Variants in CYFIP2 observed in about 807,000 individuals in gnomAD.
CYFIP2 encodes the protein cytoplasmic FMR1-interacting protein 2.
Under a neutral mutation model 158.7 loss-of-function variants are expected in CYFIP2, and 29 were observed. That is an observed-to-expected ratio of 0.18 (90% CI 0.14 to 0.25). CYFIP2 has a LOEUF of 0.25. Among genes scored for constraint, CYFIP2 ranks in the 10% least tolerant of loss-of-function variants. CYFIP2 has a pLI of 1.00. For missense variants in CYFIP2, 852 were observed against 1,639.5 expected, an observed-to-expected ratio of 0.52 and a Z score of 8.29; for synonymous variants, 585 against 617.6, an observed-to-expected ratio of 0.95 and a Z score of 0.78.
chr5:157,368,672 A>G (rs1764665030), intron 26 of CYFIP2, among the ~76,000 whole-genome samples: 1 of 149,652 alleles, frequency 6.7e-6, no homozygotes, highest in South Asian at 2.1e-4. Context: ...CTGAAAAACA[A>G]CCTGCTAGTG....
intron 23 of CYFIP2, among the ~76,000 whole-genome samples, chr5:157,357,690 G>T (rs189833415): frequency 8.2e-4 from 125 of 152,200 alleles, no homozygotes; most frequent in African/African-American, 2.9e-3. Context: ...AATTAGCTGT[G>T]CATAGTGGAG....
intron 5 of CYFIP2, among the ~76,000 whole-genome samples, chr5:157,297,597 G>A (rs1758360864): frequency 6.6e-6 from 1 of 152,212 alleles, no homozygotes; most frequent in East Asian, 1.9e-4. Flanking sequence ...GCAGGGCCAA[G>A]AGAGAAGAAC....
At chr5:157,329,414 C>T (rs1020892123) in intron 19 of CYFIP2, among the ~76,000 whole-genome samples, 1 of 152,174 alleles carries the variant, frequency 6.6e-6, no homozygotes, top group African/African-American at 2.4e-5. Context: ...TTTATCTACA[C>T]CCTTCCCTGT....
intron 23 of CYFIP2, 145 bp downstream of exon 23, chr5:157,341,302 G>A: frequency 1.4e-6 from 1 of 727,696 alleles, no homozygotes. Flanking sequence ...TTTAATCCCA[G>A]CACTTCAGGA....
rs1761174625 is a variant in CYFIP2 at position 157,328,190 on chromosome 5, A to T, written c.2156+141A>T. The T allele has an allele frequency of 1.2e-5, 9 of 763,972 alleles. No individual in the cohort carries two copies. The South Asian group carries it at 1.5e-4, about 12-fold the overall frequency. 47.3% of individuals were successfully genotyped at this position (763,972 alleles called of 1,614,324 possible). On this transcript the variant is annotated intron_variant, in intron 19 of 30. Coordinates refer to ENST00000620254, the MANE Select transcript of CYFIP2 (RefSeq NM_001037333.3). ...CCACGGACCCGGACTGGGTGCTGAGATAGAGTGGAAAGGAAACTAGGCAGA... is the reference window on the plus strand; with the variant it reads ...CCACGGACCCGGACTGGGTGCTGAGTTAGAGTGGAAAGGAAACTAGGCAGA...
At chr5:157,319,590 C>T (rs750185979) in intron 13 of CYFIP2, among the ~76,000 whole-genome samples, 172 bp from the exon 14 acceptor site, 7 of 152,240 alleles carry the variant, frequency 4.6e-5, no homozygotes, top group South Asian at 2.1e-4. Flanking sequence ...TGCTGATATA[C>T]GTACATTCTG....
In CYFIP2 at chr5:157,307,636, G is replaced by GGTGTGTGTGTGTGT. The variant is rs144622623; in HGVS notation, c.796-118_796-105dup. 1,626 of 428,428 alleles carry GGTGTGTGTGTGTGT rather than the reference G, an allele frequency of 3.8e-3. 4 individuals carry two copies. The highest frequency in any genetic ancestry group is 6.4e-3 in the East Asian group (166 of 25,766). The allele number at this position is 428,428 out of a possible 1,614,324, so 26.5% of individuals were successfully genotyped here. A position where few individuals can be genotyped will look rare whatever the true frequency, so the allele number is the denominator to read the frequency against. ...CATAATATAATGTGTGTCTCTACAG[G>GGTGTGTGTGTGTGT]GTGTGTGTGTGTGTGTGTGTATGTG... On this transcript the variant is annotated intron_variant, in intron 8 of 30. Transcript: ENST00000620254.
intron 25 of CYFIP2, among the ~76,000 whole-genome samples, chr5:157,360,952 G>A (rs1274841996): frequency 6.6e-6 from 1 of 152,170 alleles, no homozygotes; most frequent in Admixed American, 6.5e-5. Flanking sequence ...ATAGGAAAAA[G>A]ATAAGGCTAA....
chr5:157,333,541 A>G, intron 21 of CYFIP2, 95 bp downstream of exon 21: 1 of 1,538,482 alleles, frequency 6.5e-7, no homozygotes, highest in Non-Finnish European at 8.9e-7. Flanking sequence ...TGGGCCAGTT[A>G]AAGAGGGGCA....
intron 23 of CYFIP2, among the ~76,000 whole-genome samples, chr5:157,350,334 T>C (rs900707610): frequency 1.3e-5 from 2 of 152,240 alleles, no homozygotes; most frequent in African/African-American, 4.8e-5. Context: ...TTCATTCTTC[T>C]ACATGTGGCT....
At chr5:157,285,617 T>C in intron 2 of CYFIP2, 139 bp downstream of exon 2, 1 of 693,384 alleles carries the variant, frequency 1.4e-6, no homozygotes, top group Non-Finnish European at 2.4e-6. Flanking sequence ...CCTTGTGCGC[T>C]GGTAGAGCCG....
intron 26 of CYFIP2, among the ~76,000 whole-genome samples, chr5:157,371,788 TGTGAGTTCCTTACA>T (rs781665149): frequency 2.0e-5 from 3 of 152,260 alleles, no homozygotes; most frequent in Non-Finnish European, 4.4e-5. Flanking sequence ...TAAATTCTGA[TGTGAGTTCCTTACA>T]GTAAAATATT....
In CYFIP2 at chr5:157,395,542, A is replaced by G; in HGVS notation, c.*2542A>G. ...TTGTATTTTGGGGGTACCTGTGTTG[A>G]GTTGATAAACATTTCCATCTTCATT... On this transcript the variant is annotated 3_prime_UTR_variant, in exon 31 of 31. Transcript: ENST00000620254. The G allele has an allele frequency of 1.9e-6, 2 of 1,042,624 alleles. No homozygotes were observed. The highest frequency in any genetic ancestry group is 2.6e-6 in the Non-Finnish European group (2 of 764,582). 64.6% of individuals were successfully genotyped at this position (1,042,624 alleles called of 1,614,324 possible). A position where few individuals can be genotyped will look rare whatever the true frequency, so the allele number is the denominator to read the frequency against.
chr5:157,395,041 A>C lies in CYFIP2; in HGVS notation c.*2041A>C, dbSNP rs1767634157. The C allele has an allele frequency of 6.5e-6, 1 of 154,514 alleles. No individual in the cohort carries two copies. The highest frequency in any genetic ancestry group is 6.5e-5 in the Admixed American group (1 of 15,330). 9.6% of individuals were successfully genotyped at this position (154,514 alleles called of 1,614,324 possible). A position where few individuals can be genotyped will look rare whatever the true frequency, so the allele number is the denominator to read the frequency against. ...ACCACGACTTCATGGAGATTTGAAT[A>C]ATCTATTTGATGAGATTTCTATTTC... On this transcript the variant is annotated 3_prime_UTR_variant, in exon 31 of 31. Coordinates refer to ENST00000620254, the MANE Select transcript of CYFIP2 (RefSeq NM_001037333.3).
chr5:157,343,038 C>G, intron 23 of CYFIP2: 1 of 1,614,234 alleles, frequency 6.2e-7, no homozygotes, highest in Non-Finnish European at 8.5e-7. Flanking sequence ...TGACCAAGAT[C>G]CGGGGCCTCC....
chr5:157,383,158 C>A (rs1054347721), intron 27 of CYFIP2, 107 bp from the exon 28 acceptor site: 1 of 927,182 alleles, frequency 1.1e-6, no homozygotes, highest in Non-Finnish European at 1.7e-6. Context: ...ACACTCCATC[C>A]CATTTTTGGA....
chr5:157,383,354 C>T lies in CYFIP2; in HGVS notation c.3202C>T (p.Pro1068Ser), dbSNP rs2113516637. The stretch of plus-strand genomic sequence containing the variant: ...CCCTCTGATCGAGCGGCTGGGGACC[C>T]CTCAGGTACCAATCTTATATAATAA... ...LVPLIERLGT[P>S]QQIAIAREGD... Residue 1068 changes from proline (P) to serine (S), a missense_variant, in exon 28 of 31, where the codon CCT (proline) becomes TCT (serine). Pro to Ser is a moderately conservative substitution (Grantham distance 74). Transcript: ENST00000620254. The T allele has an allele frequency of 1.9e-6, 3 of 1,613,594 alleles. No individual in the cohort carries two copies. Among genetic ancestry groups the T allele is most frequent in the Non-Finnish European group, 2.5e-6 (3 of 1,179,730 alleles).
chr5:157,394,184 T>C lies in CYFIP2; in HGVS notation c.*1184T>C, dbSNP rs1241265968. The C allele has an allele frequency of 1.3e-5, 2 of 152,106 alleles. No homozygotes were observed. Among genetic ancestry groups the C allele is most frequent in the African/African-American group, 2.4e-5 (1 of 41,404 alleles). The allele number at this position is 152,106 out of a possible 1,614,324, so 9.4% of individuals were successfully genotyped here. A position where few individuals can be genotyped will look rare whatever the true frequency, so the allele number is the denominator to read the frequency against. ...TCGGGTGTGGCTTCTCTCCCAGGGG[T>C]AACATTTACTTCCATTTTCTAGACT... On this transcript the variant is annotated 3_prime_UTR_variant, in exon 31 of 31. Transcript: ENST00000620254.
intron 23 of CYFIP2, among the ~76,000 whole-genome samples, chr5:157,355,317 C>T (rs1002442781): frequency 3.3e-5 from 5 of 152,098 alleles, no homozygotes; most frequent in African/African-American, 7.2e-5. Context: ...GGGGGAAATT[C>T]GACCAGAAAG....
Sources: allele counts gnomAD v4.1 joint callset (sites outside exome capture counted in the v4.1 genomes callset), GRCh38; gene constraint gnomAD v4.1.1; transcripts MANE v1.5; gene names NCBI Gene and HGNC (gene_info 2026-07-23, HGNC 2026-07-21).